The following SPHKAP variants were observed in gnomAD, a reference collection of about 807,000 sequenced individuals.
SPHKAP encodes A-kinase anchor protein SPHKAP.
A neutral mutation model predicts 137.5 loss-of-function variants in SPHKAP; 67 were observed. The observed-to-expected ratio is 0.49, with a 90% CI of 0.40 to 0.60. The LOEUF is 0.60. Ranked by LOEUF, SPHKAP falls within the 20% of genes least tolerant of loss-of-function variation. The pLI is 0.00. For missense variants in SPHKAP, 2,097 were observed against 2,069.3 expected (o/e 1.01, Z -0.26); for synonymous variants, 813 against 785.3 (o/e 1.04, Z -0.59).
chr2:228,131,279 G>T (rs1260444919), intron 2 of SPHKAP: 1 of 984,832 alleles, frequency 1.0e-6, no homozygotes, highest in Non-Finnish European at 1.2e-6. Flanking sequence ...CACTGTGATT[G>T]CTTCTGAATT....
At chr2:228,141,722 T>C (rs1699612922) in intron 1 of SPHKAP, among the ~76,000 whole-genome samples, 2 of 152,166 alleles carry the variant, frequency 1.3e-5, no homozygotes, top group Admixed American at 6.5e-5. Flanking sequence ...ATGCGTACAA[T>C]TTTATATCAA....
chr2:228,066,180 T>C (rs556573046), intron 3 of SPHKAP, among the ~76,000 whole-genome samples: 34 of 152,302 alleles, frequency 2.2e-4, no homozygotes, highest in Non-Finnish European at 4.4e-4. Flanking sequence ...CTAATAATTA[T>C]ACAATGGAAT....
intron 1 of SPHKAP, among the ~76,000 whole-genome samples, chr2:228,134,275 A>T (rs1214085941): frequency 6.6e-6 from 1 of 152,160 alleles, no homozygotes; most frequent in African/African-American, 2.4e-5. Flanking sequence ...TAAAGAAGGA[A>T]GGAAAGAAAC....
At position 228,019,343 on chromosome 2, in the gene SPHKAP, G is replaced by T. The variant is rs767368345; in HGVS notation, c.1511C>A (p.Ala504Asp). 4.0e-5 allele frequency: 64 copies of T among 1,614,068 alleles called. No individual in the cohort carries two copies. Among genetic ancestry groups the T allele is most frequent in the Non-Finnish European group, 5.1e-5 (60 of 1,180,044 alleles). The change falls in exon 7 of 12, where the codon GCC becomes GAC. Residue 504 changes from alanine (A) to aspartate (D), a missense_variant. Ala to Asp is a moderately radical substitution (Grantham distance 126). Coordinates refer to ENST00000392056, the MANE Select transcript of SPHKAP (RefSeq NM_001142644.2). ...ACTGGAAATAGTTCCAATCACAGTG[G>T]CTGCACAAGCTAACGCCACTTCTAG... ...SALEVALACAATVIGTISSPQ... is the reference protein window; with the variant it reads ...SALEVALACADTVIGTISSPQ...
rs181077872 is a variant in SPHKAP, at chr2:228,092,393, A to G, written c.246+16439T>C. ...TACATACAGATATACATATATACAT[A>G]TATACACATATACACATATATACAT... On this transcript the variant is annotated intron_variant, in intron 3 of 11. Coordinates refer to ENST00000392056, the MANE Select transcript of SPHKAP (RefSeq NM_001142644.2). Among the ~76,000 whole-genome samples, 9 of 93,436 alleles carry G rather than the reference A, an allele frequency of 9.6e-5. No homozygotes were observed. The East Asian group carries it at 9.8e-4, about 10-fold the overall frequency. 61.3% of individuals were successfully genotyped at this position (93,436 alleles called of 152,430 possible).
At chr2:228,027,586 TGACTGTCTTTTTA>T (rs772586689) in intron 3 of SPHKAP, 43 bp from the exon 4 acceptor site, 1 of 1,589,880 alleles carries the variant, frequency 6.3e-7, no homozygotes. Flanking sequence ...GTCAAAAACC[TGACTGTCTTTTTA>T]GAAGAAAGAA....
At chr2:228,133,326 T>G (rs1291255746) in intron 1 of SPHKAP, among the ~76,000 whole-genome samples, 2 of 65,574 alleles carry the variant, frequency 3.0e-5, no homozygotes, top group East Asian at 8.1e-4. Context: ...AATAAATAAA[T>G]AAATAAATAA....
chr2:228,024,875 T>G (rs1694973882), intron 5 of SPHKAP, among the ~76,000 whole-genome samples: 1 of 152,192 alleles, frequency 6.6e-6, no homozygotes, highest in Non-Finnish European at 1.5e-5. Flanking sequence ...TTAGTTACTG[T>G]TTATTTTTAA....
At position 227,991,010 on chromosome 2, in the gene SPHKAP, C is replaced by T; in HGVS notation, c.4949G>A (p.Arg1650Lys). The change falls in exon 11 of 12, where the codon AGA becomes AAA. Residue 1650 changes from arginine (R) to lysine (K), a missense_variant. Arg to Lys is a conservative substitution (Grantham distance 26). Transcript: ENST00000392056. ...TIYFKKSQEN[R>K]IEKFLDVVQL... ...CCTGGTACATGATACCTTTTCAATT[C>T]TGTTTTCCTGAGATTTCTTAAAGTA... 2 of 1,614,000 alleles carry T rather than the reference C, an allele frequency of 1.2e-6. No individual in the cohort carries two copies. The highest frequency in any genetic ancestry group is 1.7e-6 in the Non-Finnish European group (2 of 1,179,936).
chr2:228,109,265 G>T, intron 2 of SPHKAP: 1 of 607,424 alleles, frequency 1.6e-6, no homozygotes, highest in African/African-American at 2.0e-5. Flanking sequence ...GTGGGCAATG[G>T]GGATCAAATT....
chr2:228,175,160 T>G (rs1019929866), intron 1 of SPHKAP, among the ~76,000 whole-genome samples: 1 of 151,332 alleles, frequency 6.6e-6, no homozygotes, highest in African/African-American at 2.4e-5. Flanking sequence ...TAAGAAATTA[T>G]GGCTGAATTT....
intron 1 of SPHKAP, among the ~76,000 whole-genome samples, chr2:228,138,319 A>G (rs916095578): frequency 1.3e-5 from 2 of 152,130 alleles, no homozygotes; most frequent in Non-Finnish European, 2.9e-5. Flanking sequence ...TTAGGAGTTA[A>G]CCTCAGTTCT....
intron 3 of SPHKAP, among the ~76,000 whole-genome samples, chr2:228,094,266 A>C (rs184308502): frequency 2.6e-5 from 4 of 152,306 alleles, no homozygotes; most frequent in African/African-American, 7.2e-5. Flanking sequence ...TAGTGGATTT[A>C]AGCTTCAGGC....
intron 1 of SPHKAP, among the ~76,000 whole-genome samples, chr2:228,175,037 A>G (rs1700699671): frequency 6.6e-6 from 1 of 151,810 alleles, no homozygotes; most frequent in Non-Finnish European, 1.5e-5. Context: ...AGGAAAAATA[A>G]AGGAAACAAA....
chr2:227,991,493 T>C, intron 9 of SPHKAP, 167 bp from the exon 10 acceptor site: 1 of 985,450 alleles, frequency 1.0e-6, no homozygotes, highest in Non-Finnish European at 1.2e-6. Flanking sequence ...GTGGCTATTA[T>C]GTAAGATCAC....
chr2:228,010,136 A>G (rs1426958673), intron 7 of SPHKAP, among the ~76,000 whole-genome samples: 3 of 152,172 alleles, frequency 2.0e-5, no homozygotes, highest in Admixed American at 2.0e-4. Context: ...AAGTGAGGGC[A>G]ATTATAGGGC....
intron 1 of SPHKAP, among the ~76,000 whole-genome samples, chr2:228,145,360 T>C (rs1574892410): frequency 6.6e-6 from 1 of 152,232 alleles, no homozygotes; most frequent in East Asian, 1.9e-4. Context: ...TTTCTATACA[T>C]TTAGTATATA....
chr2:228,030,638 T>C (rs1363274651), intron 3 of SPHKAP, among the ~76,000 whole-genome samples: 1 of 148,902 alleles, frequency 6.7e-6, no homozygotes, highest in African/African-American at 2.5e-5. Context: ...ACAAGAAAGC[T>C]AGAACTTAAA....
chr2:228,009,178 A>G (rs1402969451), intron 7 of SPHKAP, among the ~76,000 whole-genome samples: 2 of 152,176 alleles, frequency 1.3e-5, no homozygotes, highest in African/African-American at 4.8e-5. Flanking sequence ...CCTTCAGCAT[A>G]GTATAGTTGT....
Sources: gnomAD v4.1 joint callset for allele counts (sites outside exome capture counted in the v4.1 genomes callset) on GRCh38, gnomAD v4.1.1 for gene constraint, MANE v1.5 for transcripts, NCBI Gene and HGNC (gene_info 2026-07-23, HGNC 2026-07-21) for gene names.